Variants in KIRREL3 observed in about 807,000 individuals in gnomAD.
The protein encoded by KIRREL3 is kin of IRRE-like protein 3.
KIRREL3 carries 36 observed loss-of-function variants against 89.7 expected under a neutral mutation model. The observed-to-expected ratio is 0.40, with a 90% confidence interval of 0.31 to 0.53. The LOEUF is 0.53. KIRREL3 is among the 20% of genes least tolerant of loss of function. The pLI, the probability that KIRREL3 is intolerant of heterozygous loss-of-function variation, is 0.49. For missense variants in KIRREL3, 864 were observed against 1,056.6 expected, an observed-to-expected ratio of 0.82 and a Z score of 2.53; for synonymous variants, 445 against 441.4, an observed-to-expected ratio of 1.01 and a Z score of -0.10.
intron 1 of KIRREL3, among the ~76,000 whole-genome samples, chr11:126,815,694 C>T (rs1448087183): frequency 2.6e-5 from 4 of 152,056 alleles, no homozygotes; most frequent in Non-Finnish European, 5.9e-5. Flanking sequence ...CCACCACGCC[C>T]GGCTAATTTT....
In KIRREL3 at chr11:126,574,306, C is replaced by T. The variant is rs1941136655; in HGVS notation, c.56-11394G>A. Among the ~76,000 whole-genome samples the T allele has an allele frequency of 6.6e-6, 1 of 152,188 alleles. No individual in the cohort carries two copies. Among genetic ancestry groups the T allele is most frequent in the Non-Finnish European group, 1.5e-5 (1 of 68,044 alleles). On this transcript the variant is annotated intron_variant, in intron 1 of 16. Coordinates refer to ENST00000525144, the MANE Select transcript of KIRREL3 (RefSeq NM_032531.4). This position sits in a 1 kb window ranked among gnomAD's most constrained non-coding sequence, Gnocchi z 5.3. ...CGCTTGGGGTAAAACCAAACTCCCC[C>T]ACCTCCTTCAGAGCCCCATATCCAA... is the stretch of plus-strand genomic sequence containing the variant.
chr11:126,439,922 G>A (rs558034591), intron 11 of KIRREL3, among the ~76,000 whole-genome samples: 3 of 152,214 alleles, frequency 2.0e-5, no homozygotes, highest in Non-Finnish European at 4.4e-5. Context: ...TGCCTTAGCT[G>A]CATTGCAGGG....
rs1958732020 is a variant in KIRREL3 at position 126,525,764 on chromosome 11, A to G, written c.283+774T>C. ...CAAACAACCACTGCCTACCTGTAGG[A>G]CAGAATAATGATAGCTGAAGGGTGT... On this transcript the variant is annotated intron_variant, in intron 3 of 16. Transcript: ENST00000525144. This position sits in a 1 kb window ranked among gnomAD's most constrained non-coding sequence, Gnocchi z 5.4. Among the ~76,000 whole-genome samples the G allele has an allele frequency of 6.6e-6, 1 of 152,196 alleles. No homozygotes were observed. The highest frequency in any genetic ancestry group is 1.5e-5 in the Non-Finnish European group (1 of 68,046).
At position 126,519,653 on chromosome 11, in the gene KIRREL3, T is replaced by A. The variant is rs368608026; in HGVS notation, c.433+1662A>T. On this transcript the variant is annotated intron_variant, in intron 4 of 16. Transcript: ENST00000525144. The surrounding 1 kb of genome is among the most constrained non-coding windows in gnomAD (Gnocchi z 4.3). ...TCCTCTGGCCCCTCTAGAAGGTGTA[T>A]GAGTCGGTAGAGGCAGATTCTTCTG... Among the ~76,000 whole-genome samples, 26 of 152,272 alleles carry A rather than the reference T, an allele frequency of 1.7e-4. No individual in the cohort carries two copies. In the East Asian group the frequency reaches 3.3e-3, roughly 19 times the overall value.
At position 126,432,346 on chromosome 11, in the gene KIRREL3, T is replaced by C. The variant is rs1432844473; in HGVS notation, c.1589-820A>G. ...AGGGACAGGGAGGGTAAGGATAGAG[T>C]CGGGGGTGATCTTCCACACAGCCTT... On this transcript the variant is annotated intron_variant, in intron 13 of 16. Coordinates refer to ENST00000525144, the MANE Select transcript of KIRREL3 (RefSeq NM_032531.4). This position sits in a 1 kb window ranked among gnomAD's most constrained non-coding sequence, Gnocchi z 6.2. Among the ~76,000 whole-genome samples, 8 of 151,602 alleles carry C rather than the reference T, an allele frequency of 5.3e-5. No individual in the cohort carries two copies. Among genetic ancestry groups the C allele is most frequent in the African/African-American group, 1.9e-4 (8 of 41,252 alleles).
upstream of KIRREL3, chr11:127,000,971 GTTCT>G: frequency 3.5e-6 from 1 of 286,124 alleles, no homozygotes; most frequent in Non-Finnish European, 6.4e-6. The surrounding 1 kb of genome is among the most constrained non-coding windows in gnomAD (Gnocchi z 7.1). Context: ...AAAAGGCTGT[GTTCT>G]TTCTTTTCCC....
Position 126,489,437 on chromosome 11 carries a change from G to A in KIRREL3, c.434-15971C>T, listed in dbSNP as rs903412045. Among the ~76,000 whole-genome samples the A allele has an allele frequency of 6.6e-6, 1 of 152,192 alleles. No individual in the cohort carries two copies. Among genetic ancestry groups the A allele is most frequent in the Admixed American group, 6.5e-5 (1 of 15,280 alleles). On this transcript the variant is annotated intron_variant, in intron 4 of 16. Coordinates refer to ENST00000525144, the MANE Select transcript of KIRREL3 (RefSeq NM_032531.4). The surrounding 1 kb of genome is among the most constrained non-coding windows in gnomAD (Gnocchi z 5.5). ...GCTTCCAGAGGGGATACTTTGGGAG[G>A]CGCAGATCTAGGACACATTGATAAG...
chr11:126,880,163 G>T (rs1309879517), intron 1 of KIRREL3, among the ~76,000 whole-genome samples: 1 of 152,202 alleles, frequency 6.6e-6, no homozygotes, highest in Non-Finnish European at 1.5e-5. Flanking sequence ...GGGTGCGGCT[G>T]TAAGTGTTTG....
At chr11:126,451,076 TGTGC>T (rs1175505539) in intron 7 of KIRREL3, among the ~76,000 whole-genome samples, 3 of 148,992 alleles carry the variant, frequency 2.0e-5, no homozygotes, top group Non-Finnish European at 4.4e-5. Context: ...TGTGCATGTG[TGTGC>T]GTGTGTGCAT....
intron 1 of KIRREL3, among the ~76,000 whole-genome samples, chr11:126,760,115 T>C (rs1949622823): frequency 6.6e-6 from 1 of 152,170 alleles, no homozygotes; most frequent in African/African-American, 2.4e-5. Context: ...CAAATATTTA[T>C]TGGGTGTTTA....
At chr11:126,927,099 C>A (rs1947750867) in intron 1 of KIRREL3, among the ~76,000 whole-genome samples, 1 of 152,194 alleles carries the variant, frequency 6.6e-6, no homozygotes, top group Non-Finnish European at 1.5e-5. Context: ...AGTCACTGGC[C>A]AAATTAGCCT....
At chr11:126,793,608 G>C (rs181008161) in intron 1 of KIRREL3, among the ~76,000 whole-genome samples, 234 of 152,336 alleles carry the variant, frequency 1.5e-3, no homozygotes, top group African/African-American at 5.3e-3. Context: ...GAGGAACCAA[G>C]GCAAGGAGAG....
chr11:126,510,321 T>C (rs1358591711), intron 4 of KIRREL3, among the ~76,000 whole-genome samples: 1 of 152,136 alleles, frequency 6.6e-6, no homozygotes, highest in Non-Finnish European at 1.5e-5. Flanking sequence ...GCAAGAAAAC[T>C]CAGCTTCTGC....
At chr11:127,001,793 A>C (rs1290005086), upstream of KIRREL3, among the ~76,000 whole-genome samples, 2 of 151,876 alleles carry the variant, frequency 1.3e-5, no homozygotes, top group Admixed American at 1.3e-4. Context: ...ATGCCTTCAG[A>C]AGCTCATAAT....
At position 126,607,073 on chromosome 11, in the gene KIRREL3, G is replaced by A. The variant is rs1942920828; in HGVS notation, c.56-44161C>T. 1.3e-5 allele frequency among the ~76,000 whole-genome samples: 2 copies of A among 152,178 alleles called. No individual in the cohort carries two copies. The highest frequency in any genetic ancestry group is 3.9e-4 in the East Asian group (2 of 5,194). ...GTTCTCTTCCAAGGGGCTCTCTCTG[G>A]CAGCCAAGAACCAACCACAGGGCTT... On this transcript the variant is annotated intron_variant, in intron 1 of 16. Transcript: ENST00000525144. The surrounding 1 kb of genome is among the most constrained non-coding windows in gnomAD (Gnocchi z 6.6).
intron 1 of KIRREL3, among the ~76,000 whole-genome samples, chr11:126,828,443 G>T (rs1188303123): frequency 6.6e-6 from 1 of 152,172 alleles, no homozygotes; most frequent in Non-Finnish European, 1.5e-5. Flanking sequence ...ACTGAATAAG[G>T]GGATCTGGAC....
intron 1 of KIRREL3, among the ~76,000 whole-genome samples, chr11:126,604,327 TGAAACTGA>T (rs1290138521): frequency 6.6e-6 from 1 of 152,230 alleles, no homozygotes; most frequent in Non-Finnish European, 1.5e-5. Context: ...TAAGCTAGGA[TGAAACTGA>T]GTATTCCATA....
At chr11:126,445,230 G>C in intron 9 of KIRREL3, 125 bp from the exon 10 acceptor site, 2 of 1,272,970 alleles carry the variant, frequency 1.6e-6, no homozygotes, top group Non-Finnish European at 2.2e-6. Flanking sequence ...TCAGTAGGAA[G>C]CAAGGTGGGG....
intron 1 of KIRREL3, among the ~76,000 whole-genome samples, chr11:126,758,316 T>C (rs1462857477): frequency 6.6e-6 from 1 of 152,260 alleles, no homozygotes; most frequent in African/African-American, 2.4e-5. Flanking sequence ...ATTACCAGTG[T>C]CACATGTGTA....
Sources: gnomAD v4.1 joint callset for allele counts (sites outside exome capture counted in the v4.1 genomes callset) on GRCh38, gnomAD v4.1.1 for gene constraint, Gnocchi (gnomAD v3.1) non-coding constraint, MANE v1.5 for transcripts, NCBI Gene and HGNC (gene_info 2026-07-23, HGNC 2026-07-21) for gene names.